The following HMCN1 variants were observed in gnomAD, a reference collection of about 807,000 sequenced individuals.
HMCN1 encodes the protein hemicentin-1.
A neutral mutation model predicts 625.9 loss-of-function variants in HMCN1; 321 were observed. That is an observed-to-expected ratio of 0.51 (90% CI 0.47 to 0.56). The LOEUF (loss-of-function observed/expected upper bound fraction) is 0.56, where lower values mean the gene tolerates loss of function less well. Ranked by LOEUF, HMCN1 falls within the 20% of genes least tolerant of loss-of-function variation. The pLI is 0.00. For missense variants in HMCN1, 6,588 were observed against 6,887.3 expected, an observed-to-expected ratio of 0.96 and a Z score of 1.54; for synonymous variants, 2,425 against 2,417.6, an observed-to-expected ratio of 1.00 and a Z score of -0.09.
intron 4 of HMCN1, among the ~76,000 whole-genome samples, chr1:185,872,161 C>T (rs546208521): frequency 4.6e-5 from 7 of 152,226 alleles, no homozygotes; most frequent in African/African-American, 7.2e-5. Context: ...TGTTCAGAGC[C>T]GATTCCTTAA....
At chr1:186,155,946 T>C (rs1435518419) in intron 97 of HMCN1, among the ~76,000 whole-genome samples, 4 of 152,134 alleles carry the variant, frequency 2.6e-5, no homozygotes, top group African/African-American at 4.8e-5. Context: ...GGCACAAAGA[T>C]TTTTGGTTTA....
At chr1:185,827,037 G>A (rs73072067) in intron 1 of HMCN1, among the ~76,000 whole-genome samples, 6,283 of 151,772 alleles carry the variant, frequency 0.041, 434 homozygotes, top group African/African-American at 0.14. Flanking sequence ...TTGGCTGGGC[G>A]TGGTAGCGCC....
chr1:185,930,347 C>T (rs1323979359), intron 10 of HMCN1, among the ~76,000 whole-genome samples: 1 of 152,086 alleles, frequency 6.6e-6, no homozygotes. Context: ...TAGCTGTTGC[C>T]TAGTACACCA....
intron 80 of HMCN1, among the ~76,000 whole-genome samples, chr1:186,120,400 T>C (rs1420979481): frequency 2.6e-5 from 4 of 152,228 alleles, no homozygotes; most frequent in South Asian, 2.1e-4. Context: ...TGTTTGATAC[T>C]CCATTTCATT....
At chr1:185,878,686 T>G (rs1452668514) in intron 4 of HMCN1, among the ~76,000 whole-genome samples, 1 of 152,144 alleles carries the variant, frequency 6.6e-6, no homozygotes, top group East Asian at 1.9e-4. Context: ...ATTATCGACT[T>G]CATTTTTACA....
intron 89 of HMCN1, among the ~76,000 whole-genome samples, chr1:186,138,643 T>C (rs914968026): frequency 1.3e-5 from 2 of 152,196 alleles, no homozygotes; most frequent in African/African-American, 2.4e-5. Context: ...CAATGGCTGC[T>C]GACAGCTACT....
intron 97 of HMCN1, among the ~76,000 whole-genome samples, chr1:186,163,113 G>A (rs868346224): frequency 1.6e-4 from 24 of 152,284 alleles, no homozygotes; most frequent in East Asian, 3.9e-4. Flanking sequence ...GGGAAATGGC[G>A]GGCGCCCCTC....
At position 185,828,448 on chromosome 1, in the gene HMCN1, A is replaced by G. The variant is rs538848455; in HGVS notation, c.269-17578A>G. Among the ~76,000 whole-genome samples the G allele has an allele frequency of 1.1e-4, 17 of 152,298 alleles. No homozygotes were observed. In the South Asian group the frequency reaches 3.5e-3, roughly 32 times the overall value. ...ACATCAACATTCATAGAACAAAACA[A>G]TAACAGAAGATATAGAAACATATTA... On this transcript the variant is annotated intron_variant, in intron 1 of 106. Transcript: ENST00000271588.
intron 1 of HMCN1, among the ~76,000 whole-genome samples, chr1:185,835,219 ATGGGAAT>A (rs1362100099): frequency 6.6e-6 from 1 of 152,234 alleles, no homozygotes; most frequent in Non-Finnish European, 1.5e-5. Flanking sequence ...GAGGAGAAGC[ATGGGAAT>A]TGGGAGCCAG....
At chr1:186,066,427 G>A (rs999391397) in intron 49 of HMCN1, among the ~76,000 whole-genome samples, 1 of 152,102 alleles carries the variant, frequency 6.6e-6, no homozygotes, top group Non-Finnish European at 1.5e-5. Context: ...AAAAGTCAGT[G>A]CCTTTACCCT....
intron 4 of HMCN1, among the ~76,000 whole-genome samples, chr1:185,879,593 A>G (rs755830025): frequency 6.6e-6 from 1 of 152,148 alleles, no homozygotes; most frequent in Non-Finnish European, 1.5e-5. Flanking sequence ...CCTACTTACT[A>G]TGTGTTAGAC....
chr1:185,814,018 A>T (rs999241943), intron 1 of HMCN1, among the ~76,000 whole-genome samples: 2 of 152,188 alleles, frequency 1.3e-5, no homozygotes, highest in African/African-American at 2.4e-5. Context: ...AAGCACGTTT[A>T]GCTTACATAT....
At chr1:186,175,836 A>G (rs1037835689) in intron 103 of HMCN1, among the ~76,000 whole-genome samples, 3 of 147,040 alleles carry the variant, frequency 2.0e-5, no homozygotes, top group Non-Finnish European at 4.5e-5. Flanking sequence ...AGATTGCATC[A>G]CTGCACTCCA....
chr1:185,787,187 G>A (rs966326108), intron 1 of HMCN1, among the ~76,000 whole-genome samples: 11 of 151,032 alleles, frequency 7.3e-5, no homozygotes, highest in East Asian at 1.9e-4. Flanking sequence ...GTGCATGCAC[G>A]TGTGTTTTAA....
intron 15 of HMCN1, 65 bp from the exon 16 acceptor site, chr1:185,977,720 TAA>T: frequency 1.0e-6 from 1 of 974,900 alleles, no homozygotes; most frequent in South Asian, 1.3e-5. Context: ...GTTTAATATT[TAA>T]GTTTATGTTT....
At chr1:186,150,581 C>T (rs374232591) in intron 93 of HMCN1, among the ~76,000 whole-genome samples, 2 of 152,222 alleles carry the variant, frequency 1.3e-5, no homozygotes, top group East Asian at 1.9e-4. Flanking sequence ...GACTGAACAA[C>T]GTCCTTAGAT....
intron 1 of HMCN1, among the ~76,000 whole-genome samples, chr1:185,844,210 G>C (rs555249675): frequency 6.6e-6 from 1 of 152,198 alleles, no homozygotes; most frequent in South Asian, 2.1e-4. Context: ...TAGTCTTGAG[G>C]GAGTAGGCTT....
intron 80 of HMCN1, among the ~76,000 whole-genome samples, chr1:186,121,501 G>A (rs1486578297): frequency 1.3e-5 from 2 of 152,090 alleles, no homozygotes; most frequent in African/African-American, 2.4e-5. Context: ...GAATTGGTAG[G>A]TTAGGAATAG....
intron 1 of HMCN1, among the ~76,000 whole-genome samples, chr1:185,805,690 A>G (rs1659124151): frequency 6.6e-6 from 1 of 152,024 alleles, no homozygotes; most frequent in Non-Finnish European, 1.5e-5. Flanking sequence ...TGTATGTGCT[A>G]TTTCTCTCCT....
Sources: gnomAD v4.1 joint callset for allele counts (sites outside exome capture counted in the v4.1 genomes callset) on GRCh38, gnomAD v4.1.1 for gene constraint, MANE v1.5 for transcripts, NCBI Gene and HGNC (gene_info 2026-07-23, HGNC 2026-07-21) for gene names.